The following ZNF112 variants were observed in gnomAD, a reference collection of about 807,000 sequenced individuals.
ZNF112 encodes zinc finger protein 112.
In ZNF112, 37 loss-of-function variants were observed where a neutral mutation model predicts 77.7. That is an observed-to-expected ratio of 0.48 (90% CI 0.37 to 0.63). The LOEUF (loss-of-function observed/expected upper bound fraction) is 0.63. Among genes scored for constraint, ZNF112 ranks in the 20% least tolerant of loss-of-function variants. ZNF112 has a pLI of 0.00. For missense variants in ZNF112, 950 were observed against 1,077.4 expected (o/e 0.88, Z 1.66); for synonymous variants, 333 against 363.6 (o/e 0.92, Z 0.96).
chr19:44,358,156 G>GAAAAAAA (rs59023124), upstream of ZNF112, among the ~76,000 whole-genome samples: 6 of 130,392 alleles, frequency 4.6e-5, no homozygotes, highest in African/African-American at 1.4e-4. Flanking sequence ...CGTCTCAAAA[G>GAAAAAAA]AAAAAAAAAA....
chr19:44,361,437 C>T (rs1970854290), upstream of ZNF112, among the ~76,000 whole-genome samples: 2 of 152,008 alleles, frequency 1.3e-5, no homozygotes, highest in African/African-American at 4.8e-5. Flanking sequence ...AACTGTGGTG[C>T]ATCAATACAA....
intron 3 of ZNF112, among the ~76,000 whole-genome samples, chr19:44,334,094 G>A (rs919244082): frequency 3.3e-5 from 5 of 152,174 alleles, no homozygotes; most frequent in African/African-American, 9.7e-5. Context: ...GACTGGAACT[G>A]GTGATATATT....
At chr19:44,340,097 A>C (rs1396944312) in intron 2 of ZNF112, among the ~76,000 whole-genome samples, 2 of 73,118 alleles carry the variant, frequency 2.7e-5, no homozygotes, top group Non-Finnish European at 5.4e-5. Context: ...TACAAATATA[A>C]TGTTTTTTTA....
At chr19:44,366,314 G>C (rs1034520604) in intron 1 of ZNF112, among the ~76,000 whole-genome samples, 1 of 152,108 alleles carries the variant, frequency 6.6e-6, no homozygotes, top group Non-Finnish European at 1.5e-5. Flanking sequence ...TTCTCATTTT[G>C]AGGAAAAGTA....
chr19:44,342,433 T>C (rs1425548032), intron 1 of ZNF112, among the ~76,000 whole-genome samples: 1 of 152,188 alleles, frequency 6.6e-6, no homozygotes, highest in Admixed American at 6.5e-5. Flanking sequence ...ACACTGGTTT[T>C]TGAGTCAAGA....
upstream of ZNF112, among the ~76,000 whole-genome samples, chr19:44,357,996 C>T (rs1400377752): frequency 1.3e-5 from 2 of 151,762 alleles, no homozygotes; most frequent in East Asian, 3.9e-4. Context: ...ACAAAAAATA[C>T]AAAAAATTAG....
At chr19:44,361,901 T>C (rs1028698306) in intron 1 of ZNF112, among the ~76,000 whole-genome samples, 2 of 141,606 alleles carry the variant, frequency 1.4e-5, no homozygotes, top group African/African-American at 3.0e-5. Context: ...GAAATATTAA[T>C]ACTTTCTCAG....
chr19:44,336,533 C>T lies in ZNF112; in HGVS notation c.220+90G>A. 2.6e-6 allele frequency: 3 copies of T among 1,136,540 alleles called. No individual in the cohort carries two copies. In the South Asian group the frequency reaches 4.0e-5, roughly 15 times the overall value. The allele number at this position is 1,136,540 out of a possible 1,614,324, so 70.4% of individuals were successfully genotyped here. A position where few individuals can be genotyped will look rare whatever the true frequency, so the allele number is the denominator to read the frequency against. The stretch of plus-strand genomic sequence containing the variant: ...TTACTATGTGTGAAATGGGGAGCCA[C>T]AGGAAAGCTTAAACAGAGAAGTGAT... On this transcript the variant is annotated intron_variant, in intron 3 of 3. Transcript: ENST00000354340.
chr19:44,348,813 A>G (rs1970641953), intron 1 of ZNF112, among the ~76,000 whole-genome samples: 1 of 152,142 alleles, frequency 6.6e-6, no homozygotes. Flanking sequence ...ATGTATAGCA[A>G]TGATGCATAT....
At chr19:44,343,463 C>A (rs984116) in intron 1 of ZNF112, among the ~76,000 whole-genome samples, 32,897 of 152,156 alleles carry the variant, frequency 0.22, 4,743 homozygotes, top group African/African-American at 0.4. Context: ...CCACTTGGCT[C>A]TCCTGGCAGG....
rs61733039 is a variant in ZNF112 at position 44,329,208 on chromosome 19, T to C, written c.949A>G (p.Arg317Gly). 1 of 1,613,770 alleles carries C rather than the reference T, an allele frequency of 6.2e-7. No homozygotes were observed. The highest frequency in any genetic ancestry group is 1.3e-5 in the African/African-American group (1 of 74,934). ...IENSHLKSYQ[R>G]VHTEEKPCKC... ...CATGGTTTCTCCTCTGTATGCACTC[T>C]CTGATAGGATTTCAGATGTGAATTC... Residue 317 changes from arginine to glycine, a missense_variant, in exon 4 of 4, where the codon AGA (arginine) becomes GGA (glycine). Around this residue, in one of 3 missense-constraint regions of ZNF112, gnomAD observed 560 missense variants for 557.3 expected, o/e 1.00. Transcript: ENST00000354340.
rs758806844 is a variant in ZNF112 at position 44,329,294 on chromosome 19, C to G, written c.863G>C (p.Gly288Ala). Residue 288 changes from glycine to alanine, a missense_variant, in exon 4 of 4, where the codon GGC (glycine) becomes GCC (alanine). By Grantham distance (60) the Gly-to-Ala change is moderately conservative. This residue lies in a region of ZNF112 where 560 missense variants were observed against 557.3 expected (regional missense o/e 1.00). Transcript: ENST00000354340. ...ATGAAGAAGTGAACTATAATTACAG[C>G]CCTTTCCACATGAACTGTATGTATA... is the stretch of plus-strand genomic sequence containing the variant. The part of the protein sequence containing the change: ...KPYTYSSCGK[G>A]CNYSSLLHIH... The G allele has an allele frequency of 6.2e-7, 1 of 1,613,888 alleles. No homozygotes were observed. The highest frequency in any genetic ancestry group is 8.5e-7 in the Non-Finnish European group (1 of 1,180,002).
chr19:44,340,280 T>A (rs375241549), intron 2 of ZNF112, 136 bp downstream of exon 2: 2 of 1,180,026 alleles, frequency 1.7e-6, no homozygotes, highest in Non-Finnish European at 2.4e-6. Context: ...CTTGTCTGTG[T>A]TGCACGGGGA....
intron 1 of ZNF112, among the ~76,000 whole-genome samples, chr19:44,340,861 A>C (rs1225380139): frequency 1.3e-5 from 2 of 152,194 alleles, no homozygotes; most frequent in African/African-American, 4.8e-5. Context: ...ACAGTGACTG[A>C]TGCTACCTGT....
Position 44,330,105 on chromosome 19 carries a change from C to T in ZNF112, c.221-169G>A, listed in dbSNP as rs139923351. 2.4e-3 allele frequency among the ~76,000 whole-genome samples: 360 copies of T among 152,264 alleles called. 2 individuals are homozygous for T. Among genetic ancestry groups the T allele is most frequent in the African/African-American group, 8.2e-3 (342 of 41,550 alleles). ...ATCTCCTCTTTGGCTATACCAGTTA[C>T]AGGTTGAGTATTCTCAATCCAAAAA... On this transcript the variant is annotated intron_variant, in intron 3 of 3. Transcript: ENST00000354340.
chr19:44,367,086 G>A (rs28454459), exon 1 of ZNF112: 105 of 456,004 alleles, frequency 2.3e-4, no homozygotes, highest in African/African-American at 1.9e-3. Flanking sequence ...CTCACCTGGG[G>A]CCCAACCCCA....
chr19:44,353,299 T>C (rs574817238), intron 1 of ZNF112, among the ~76,000 whole-genome samples: 2 of 152,192 alleles, frequency 1.3e-5, no homozygotes, highest in South Asian at 4.1e-4. Flanking sequence ...ATAAAACTTC[T>C]AGAACAAGAG....
Position 44,329,423 on chromosome 19 carries a change from A to G in ZNF112, c.734T>C (p.Ile245Thr), listed in dbSNP as rs1490522196. ...MKVSLLNQES[I>T]QTEEKPYPCT... is the part of the protein sequence containing the mutation. ...TGGATAGGGCTTCTCCTCTGTTTGAATTGACTCCTGATTAAGTAATGATAC... is the reference window on the plus strand; with the variant it reads ...TGGATAGGGCTTCTCCTCTGTTTGAGTTGACTCCTGATTAAGTAATGATAC... Residue 245 changes from isoleucine (I) to threonine (T), a missense_variant, in exon 4 of 4, where the codon ATT becomes ACT. Ile to Thr is a moderately conservative substitution (Grantham distance 89). Around this residue, in one of 3 missense-constraint regions of ZNF112, gnomAD observed 560 missense variants for 557.3 expected, o/e 1.00. Transcript: ENST00000354340. 4 of 1,613,904 alleles carry G rather than the reference A, an allele frequency of 2.5e-6. No individual in the cohort carries two copies. Among genetic ancestry groups the G allele is most frequent in the Non-Finnish European group, 3.4e-6 (4 of 1,179,980 alleles).
upstream of ZNF112, among the ~76,000 whole-genome samples, chr19:44,357,783 C>T (rs1466241821): frequency 6.6e-6 from 1 of 152,154 alleles, no homozygotes; most frequent in East Asian, 1.9e-4. Context: ...AAATCTATCA[C>T]CTATTTTCAC....
Sources: gnomAD v4.1 joint callset for allele counts (sites outside exome capture counted in the v4.1 genomes callset) on GRCh38, gnomAD v4.1.1 for gene constraint, gnomAD v4.1.1 regional missense constraint, MANE v1.5 for transcripts, NCBI Gene and HGNC (gene_info 2026-07-23, HGNC 2026-07-21) for gene names.